FLT1: variants seen among roughly 807,000 people sequenced by gnomAD.
The protein encoded by FLT1 is fms related receptor tyrosine kinase 1.
Under a neutral mutation model 156.3 loss-of-function variants are expected in FLT1, and 49 were observed. That is an observed-to-expected ratio of 0.31 (90% confidence interval 0.25 to 0.40). The LOEUF (loss-of-function observed/expected upper bound fraction) is 0.40. FLT1 is among the 10% of genes least tolerant of loss of function. The pLI, the probability that FLT1 is intolerant of heterozygous loss-of-function variation, is 1.00. For synonymous variants in FLT1, 594 were observed against 583.8 expected (o/e 1.02, Z -0.25); for missense variants, 1,322 against 1,637.2 (o/e 0.81, Z 3.32).
intron 1 of FLT1, among the ~76,000 whole-genome samples, chr13:28,479,606 C>T (rs921651337): frequency 6.6e-6 from 1 of 152,162 alleles, no homozygotes; most frequent in African/African-American, 2.4e-5. Flanking sequence ...AAAAGTAGTA[C>T]ATTTTCACCA....
chr13:28,389,461 A>G, intron 13 of FLT1: 14 of 1,326,120 alleles, frequency 1.1e-5, no homozygotes, highest in Non-Finnish European at 1.3e-5. Context: ...CAGCAAGAGC[A>G]ACAAACACAG....
chr13:28,388,074 G>A, intron 13 of FLT1: 1 of 1,057,154 alleles, frequency 9.5e-7, no homozygotes, highest in Non-Finnish European at 1.1e-6. Flanking sequence ...CATGTTCTAT[G>A]GTATTAAGGC....
chr13:28,417,463 T>C (rs1876719177), intron 10 of FLT1, among the ~76,000 whole-genome samples: 1 of 152,104 alleles, frequency 6.6e-6, no homozygotes, highest in African/African-American at 2.4e-5. Context: ...GTCGGCTCGT[T>C]TGGCCAGATT....
At chr13:28,450,816 T>A (rs78469550) in intron 3 of FLT1, among the ~76,000 whole-genome samples, 7,271 of 152,220 alleles carry the variant, frequency 0.048, 255 homozygotes, top group South Asian at 0.11. Context: ...GGAATACAAT[T>A]AATGGCTGAG....
intron 1 of FLT1, among the ~76,000 whole-genome samples, chr13:28,468,225 G>A (rs1879957642): frequency 6.6e-6 from 1 of 152,088 alleles, no homozygotes; most frequent in Non-Finnish European, 1.5e-5. Flanking sequence ...AAGACATTTG[G>A]TTTGTCTTAC....
Position 28,471,041 on chromosome 13 carries a change from C to T in FLT1, c.65-3424G>A, listed in dbSNP as rs557393086. Among the ~76,000 whole-genome samples, 19 of 152,144 alleles carry T rather than the reference C, an allele frequency of 1.2e-4. No individual in the cohort carries two copies. The South Asian group carries it at 3.7e-3, about 30-fold the overall frequency. On this transcript the variant is annotated intron_variant, in intron 1 of 29. Coordinates refer to ENST00000282397, the MANE Select transcript of FLT1 (RefSeq NM_002019.4). ...TTAGACAGTGTGCCCTCTACTTGTT[C>T]GTGTCCACACTCCCCATGCTGTCCC...
chr13:28,411,758 C>T (rs955669300), intron 10 of FLT1, among the ~76,000 whole-genome samples: 3 of 151,936 alleles, frequency 2.0e-5, no homozygotes, highest in African/African-American at 4.8e-5. Context: ...ACCCAACACC[C>T]GATGGCTGCC....
At chr13:28,388,868 A>T (rs1874530473) in intron 13 of FLT1, 1 of 1,063,302 alleles carries the variant, frequency 9.4e-7, no homozygotes, top group Non-Finnish European at 1.1e-6. Context: ...GGACAGGAAT[A>T]TTTAAAATTA....
At chr13:28,428,824 A>T (rs78888401) in intron 8 of FLT1, among the ~76,000 whole-genome samples, 2,585 of 152,354 alleles carry the variant, frequency 0.017, 63 homozygotes, top group African/African-American at 0.057. Flanking sequence ...ATGCATGATT[A>T]TAAAGTCCTA....
chr13:28,435,527 A>G (rs1036323718), intron 4 of FLT1, among the ~76,000 whole-genome samples: 4 of 152,222 alleles, frequency 2.6e-5, no homozygotes, highest in African/African-American at 9.6e-5. Flanking sequence ...ACCTTCCCCC[A>G]ACAGATTATA....
intron 14 of FLT1, among the ~76,000 whole-genome samples, chr13:28,367,395 G>C (rs1453825341): frequency 6.6e-6 from 1 of 152,218 alleles, no homozygotes; most frequent in African/African-American, 2.4e-5. Context: ...GTTGCTAATG[G>C]AGGATGTGGA....
At chr13:28,358,806 C>T (rs1873003292) in intron 14 of FLT1, among the ~76,000 whole-genome samples, 2 of 152,156 alleles carry the variant, frequency 1.3e-5, no homozygotes, top group Non-Finnish European at 2.9e-5. Flanking sequence ...TGAGTGAATA[C>T]AGCACAGTAT....
At chr13:28,368,703 C>CTTTTT (rs34319914) in intron 14 of FLT1, 54 of 566,004 alleles carry the variant, frequency 9.5e-5, no homozygotes, top group South Asian at 1.5e-4. Context: ...AGATTGGCAG[C>CTTTTT]TTTTTTTTTT....
At chr13:28,460,420 CAGATCAAACA>C (rs71190781) in intron 3 of FLT1, among the ~76,000 whole-genome samples, 34,196 of 152,016 alleles carry the variant, frequency 0.22, 4,518 homozygotes, top group Non-Finnish European at 0.31. Context: ...ATGTCTCTCA[CAGATCAAACA>C]ACAGGGCCTT....
chr13:28,389,729 C>T (rs1874586313), intron 13 of FLT1, 67 bp downstream of exon 13: 1 of 1,612,764 alleles, frequency 6.2e-7, no homozygotes. Context: ...TTGTGTGGTA[C>T]AATCATTCCT....
chr13:28,468,252 C>T (rs1879959260), intron 1 of FLT1, among the ~76,000 whole-genome samples: 1 of 152,136 alleles, frequency 6.6e-6, no homozygotes, highest in South Asian at 2.1e-4. Flanking sequence ...TATGAGTTCC[C>T]TCTACAATGG....
In FLT1 at chr13:28,303,335, C is replaced by A. The variant is rs200740227; in HGVS notation, c.3849G>T (p.Gly1283=). 2.7e-5 allele frequency: 43 copies of A among 1,613,918 alleles called. No homozygotes were observed. Among genetic ancestry groups the A allele is most frequent in the Admixed American group, 1.3e-4 (8 of 60,010 alleles). The change falls in exon 30 of 30, where the codon GGG becomes GGT. Residue 1283 remains glycine (G), a synonymous_variant. Coordinates refer to ENST00000282397, the MANE Select transcript of FLT1 (RefSeq NM_002019.4). ...LRVTSKSKES[G]LSDVSRPSFC... ...AACTGGGCCTGCTGACATCAGACAGCCCCGACTCCTTACTTTTACTGGTTA... is the reference window on the plus strand; with the variant it reads ...AACTGGGCCTGCTGACATCAGACAGACCCGACTCCTTACTTTTACTGGTTA...
At chr13:28,382,922 A>T (rs1874136965) in intron 14 of FLT1, among the ~76,000 whole-genome samples, 1 of 151,974 alleles carries the variant, frequency 6.6e-6, no homozygotes, top group African/African-American at 2.4e-5. Flanking sequence ...TTATACCACA[A>T]CCCCATTCTG....
chr13:28,319,396 T>A (rs144226669), intron 24 of FLT1, 27 bp downstream of exon 24: 1 of 1,432,320 alleles, frequency 7.0e-7, no homozygotes, highest in Non-Finnish European at 9.8e-7. Context: ...TCTGGGCTGT[T>A]TGATTTCTTC....
Sources: allele counts gnomAD v4.1 joint callset (sites outside exome capture counted in the v4.1 genomes callset), GRCh38; gene constraint gnomAD v4.1.1; transcripts MANE v1.5; gene names NCBI Gene and HGNC (gene_info 2026-07-23, HGNC 2026-07-21).